MBNL1: variants seen among roughly 807,000 people sequenced by gnomAD.
MBNL1 encodes muscleblind like splicing regulator 1, also known as muscleblind-like protein 1.
In MBNL1, 8 loss-of-function variants were observed where a neutral mutation model predicts 42.2. That is an observed-to-expected ratio of 0.19 (90% CI 0.11 to 0.34). The LOEUF (loss-of-function observed/expected upper bound fraction) is 0.34. Among genes scored for constraint, MBNL1 ranks in the 10% least tolerant of loss-of-function variants. MBNL1 has a pLI of 1.00. For synonymous variants in MBNL1, 169 were observed against 173.9 expected (o/e 0.97, Z 0.22); for missense variants, 309 against 495.3 (o/e 0.62, Z 3.57).
chr3:152,323,947 A>G (rs2077951609), intron 2 of MBNL1, among the ~76,000 whole-genome samples: 2 of 152,150 alleles, frequency 1.3e-5, no homozygotes, highest in South Asian at 4.1e-4. Context: ...CACCTTTTAT[A>G]TGACATGCAG....
At chr3:152,287,925 ATT>A (rs144123029) in intron 1 of MBNL1, among the ~76,000 whole-genome samples, 30 of 152,304 alleles carry the variant, frequency 2.0e-4, no homozygotes, top group African/African-American at 7.2e-4. Flanking sequence ...AGAAAAAGAT[ATT>A]GTTTTCTATT....
intron 1 of MBNL1, 64 bp downstream of exon 1, chr3:152,269,156 C>T (rs981209381): frequency 4.7e-6 from 2 of 425,716 alleles, no homozygotes; most frequent in African/African-American, 2.0e-5. Flanking sequence ...CGGGTCTGCC[C>T]GTGGCTGAAG....
At chr3:152,419,363 CA>C (rs2098759785) in intron 3 of MBNL1, among the ~76,000 whole-genome samples, 1 of 152,198 alleles carries the variant, frequency 6.6e-6, no homozygotes, top group African/African-American at 2.4e-5. Flanking sequence ...TCTGAATTCC[CA>C]ACTGAGGTAC....
chr3:152,370,227 A>AACCACTTTGTT, intron 2 of MBNL1, among the ~76,000 whole-genome samples: 2 of 152,148 alleles, frequency 1.3e-5, no homozygotes, highest in Admixed American at 1.3e-4. Context: ...GTTTCAAAGA[A>AACCACTTTGTT]CTTATTTATT....
At chr3:152,428,318 AG>A (rs2098962689) in intron 3 of MBNL1, among the ~76,000 whole-genome samples, 1 of 152,216 alleles carries the variant, frequency 6.6e-6, no homozygotes, top group African/African-American at 2.4e-5. Flanking sequence ...ATAAAGCAAA[AG>A]TCTGCCCTCT....
Position 152,445,328 on chromosome 3 carries a change from A to T in MBNL1, c.596A>T (p.Asp199Val). The T allele has an allele frequency of 6.2e-7, 1 of 1,614,102 alleles. No homozygotes were observed. The highest frequency in any genetic ancestry group is 8.5e-7 in the Non-Finnish European group (1 of 1,179,966). Residue 199 changes from aspartate to valine, a missense_variant, in exon 5 of 10, where the codon GAT becomes GTT. Physicochemically the swap from Asp to Val is radical, Grantham distance 152. Transcript: ENST00000324210. ...QRGNCNRGEN[D>V]CRFAHPADST... is the part of the protein sequence containing the mutation. Reference sequence around the variant, plus strand: ...GGCAATTGCAACCGAGGAGAAAATGATTGTCGGTTTGCTCATCCTGCTGAC... The same window carrying T: ...GGCAATTGCAACCGAGGAGAAAATGTTTGTCGGTTTGCTCATCCTGCTGAC...
At chr3:152,356,242 A>T (rs114646214) in intron 2 of MBNL1, among the ~76,000 whole-genome samples, 2,395 of 145,552 alleles carry the variant, frequency 0.016, 55 homozygotes, top group African/African-American at 0.058. Flanking sequence ...AATTAAAAAA[A>T]AAAAGCACCC....
At chr3:152,258,939 T>C (rs776745258) in intron 2 of MBNL1, among the ~76,000 whole-genome samples, 2 of 152,198 alleles carry the variant, frequency 1.3e-5, no homozygotes, top group Non-Finnish European at 2.9e-5. Context: ...CTTCTTGGTA[T>C]TTAGGGACCT....
intron 2 of MBNL1, among the ~76,000 whole-genome samples, chr3:152,364,631 TAA>T (rs778355799): frequency 6.8e-6 from 1 of 147,124 alleles, no homozygotes. Context: ...ATTTGGAGGT[TAA>T]AAAAAAAAAA....
intron 2 of MBNL1, among the ~76,000 whole-genome samples, chr3:152,344,480 T>G (rs934039585): frequency 6.6e-5 from 10 of 152,142 alleles, no homozygotes; most frequent in Admixed American, 2.0e-4. Flanking sequence ...ACCCTGGATA[T>G]TGTGTGCTGG....
intron 2 of MBNL1, among the ~76,000 whole-genome samples, chr3:152,344,427 C>T (rs2093881399): frequency 6.6e-6 from 1 of 152,038 alleles, no homozygotes; most frequent in Admixed American, 6.6e-5. Flanking sequence ...AGTGATTTGG[C>T]GTGGTATATC....
At chr3:152,252,168 CTT>C (rs2034695761) in intron 2 of MBNL1, among the ~76,000 whole-genome samples, 3 of 146,138 alleles carry the variant, frequency 2.1e-5, no homozygotes, top group African/African-American at 7.6e-5. Flanking sequence ...TCCTTCCTTC[CTT>C]CCTTCCTTCC....
At chr3:152,410,489 T>C (rs6765592) in intron 2 of MBNL1, among the ~76,000 whole-genome samples, 19,728 of 152,262 alleles carry the variant, frequency 0.13, 1,563 homozygotes, top group African/African-American at 0.22. Context: ...ATTTTATTAA[T>C]TTTCCTTCTT....
At chr3:152,386,931 CAATGTGGTGCAG>C (rs1352875191) in intron 2 of MBNL1, among the ~76,000 whole-genome samples, 1 of 152,070 alleles carries the variant, frequency 6.6e-6, no homozygotes, top group Non-Finnish European at 1.5e-5. Flanking sequence ...TTTCTTGAAT[CAATGTGGTGCAG>C]AATGTTGAAG....
chr3:152,401,060 A>G (rs1460623523), intron 2 of MBNL1, among the ~76,000 whole-genome samples: 1 of 152,132 alleles, frequency 6.6e-6, no homozygotes, highest in Non-Finnish European at 1.5e-5. Context: ...TGGATGTAGG[A>G]ATTTTTTATT....
At chr3:152,421,064 A>G (rs2098797335) in intron 3 of MBNL1, among the ~76,000 whole-genome samples, 1 of 152,242 alleles carries the variant, frequency 6.6e-6, no homozygotes, top group African/African-American at 2.4e-5. Flanking sequence ...AGACAAGATT[A>G]GAGAAAAAAG....
chr3:152,287,003 A>G (rs1463487964), intron 1 of MBNL1, among the ~76,000 whole-genome samples: 1 of 152,072 alleles, frequency 6.6e-6, no homozygotes, highest in Non-Finnish European at 1.5e-5. Flanking sequence ...GTGGCTCACG[A>G]GGTCAGGAGA....
Position 152,455,568 on chromosome 3 carries a change from A to G in MBNL1, c.988A>G (p.Thr330Ala), listed in dbSNP as rs778821940. The G allele has an allele frequency of 6.2e-6, 10 of 1,613,574 alleles. No individual in the cohort carries two copies. The highest frequency in any genetic ancestry group is 3.3e-5 in the Admixed American group (2 of 59,976). The change falls in exon 7 of 10, where the codon ACA becomes GCA. Residue 330 changes from threonine (T) to alanine (A), a missense_variant. Thr to Ala is a moderately conservative substitution (Grantham distance 58). Coordinates refer to ENST00000324210, the MANE Select transcript of MBNL1 (RefSeq NM_021038.5). The stretch of plus-strand genomic sequence containing the variant: ...CTCAATATTGTGCATGACACCCGCT[A>G]CAAGTGTTGGTAGGTGCCAGCTTTG... The part of the protein sequence containing the change: ...PGSILCMTPA[T>A]SVVPMVHGAT...
chr3:152,314,618 G>A (rs1033387372), intron 2 of MBNL1, among the ~76,000 whole-genome samples: 1 of 152,094 alleles, frequency 6.6e-6, no homozygotes, highest in Non-Finnish European at 1.5e-5. Flanking sequence ...CAGGCGATCC[G>A]CCTGTCTCAG....
Sources: allele counts gnomAD v4.1 joint callset (sites outside exome capture counted in the v4.1 genomes callset), GRCh38; gene constraint gnomAD v4.1.1; transcripts MANE v1.5; gene names NCBI Gene and HGNC (gene_info 2026-07-23, HGNC 2026-07-21).